The following CD101 variants were observed in gnomAD, a reference collection of about 807,000 sequenced individuals.
CD101 encodes CD101 molecule, also known as immunoglobulin superfamily member 2.
CD101 carries 76 observed loss-of-function variants against 98.2 expected under a neutral mutation model. The ratio of observed to expected loss-of-function variants is 0.77; its 90% confidence interval spans 0.64 to 0.94. CD101 has a LOEUF of 0.94. Ranked by LOEUF, CD101 falls within the 40% of genes least tolerant of loss-of-function variation. The pLI is 0.00. For missense variants in CD101, 1,145 were observed against 1,218.8 expected, an observed-to-expected ratio of 0.94 and a Z score of 0.90; for synonymous variants, 471 against 472.7, an observed-to-expected ratio of 1.00 and a Z score of 0.05.
intron 8 of CD101, 84 bp downstream of exon 8, chr1:117,025,988 TG>T: frequency 7.0e-7 from 1 of 1,427,126 alleles, no homozygotes; most frequent in East Asian, 2.3e-5. Flanking sequence ...ACCTATCTTT[TG>T]CTCCTTCTGA....
intron 8 of CD101, among the ~76,000 whole-genome samples, chr1:117,029,159 GA>G (rs1471968755): frequency 1.1e-5 from 1 of 91,280 alleles, no homozygotes; most frequent in Non-Finnish European, 2.2e-5. Context: ...AAGAAAGAAA[GA>G]AAGAAAGAAA....
rs1653445107 is a variant in CD101, at chr1:117,019,565, AAC to A, written c.2017+1007_2017+1008del. 6.6e-6 allele frequency among the ~76,000 whole-genome samples: 1 copy of A among 152,188 alleles called. No homozygotes were observed. The highest frequency in any genetic ancestry group is 1.5e-5 in the Non-Finnish European group (1 of 68,030). On this transcript the variant is annotated intron_variant, in intron 6 of 9. Coordinates refer to ENST00000682167, the MANE Select transcript of CD101 (RefSeq NM_001256106.3). This position sits in a 1 kb window ranked among gnomAD's most constrained non-coding sequence, Gnocchi z 4.3. ...CTCCACTGATTTATTCTTTAAAGAA[AAC>A]AGTTTCTCTGGATTCTATTCTTAGC... is the stretch of plus-strand genomic sequence containing the variant.
Position 117,025,882 on chromosome 1 carries a change from G to A in CD101, c.2802G>A (p.Met934Ile). ...AAGCATCCGATGAGTCACAGCGGATGGTGCTCACGGTGCTGCCTTCAGGTA... is the reference window on the plus strand; with the variant it reads ...AAGCATCCGATGAGTCACAGCGGATAGTGCTCACGGTGCTGCCTTCAGGTA... ...INQASDESQR[M>I]VLTVLPSEPT... Residue 934 changes from methionine (M) to isoleucine (I), a missense_variant, in exon 8 of 10, where the codon ATG becomes ATA. By Grantham distance (10) the Met-to-Ile change is conservative (BLOSUM62 1). Coordinates refer to ENST00000682167, the MANE Select transcript of CD101 (RefSeq NM_001256106.3). The A allele has an allele frequency of 6.2e-7, 1 of 1,610,444 alleles. No homozygotes were observed. The highest frequency in any genetic ancestry group is 1.1e-5 in the South Asian group (1 of 90,894).
In CD101 at chr1:117,006,258, C is replaced by T. The variant is rs1487127726; in HGVS notation, c.44-3592C>T. 6.6e-6 allele frequency among the ~76,000 whole-genome samples: 1 copy of T among 152,186 alleles called. No homozygotes were observed. The highest frequency in any genetic ancestry group is 1.5e-5 in the Non-Finnish European group (1 of 68,032). ...TACAGATTTTGTCTCCACAGTAGCT[C>T]AGTTATAGTACCTTTACTTTTATCC... On this transcript the variant is annotated intron_variant, in intron 1 of 9. Coordinates refer to ENST00000682167, the MANE Select transcript of CD101 (RefSeq NM_001256106.3). This position sits in a 1 kb window ranked among gnomAD's most constrained non-coding sequence, Gnocchi z 4.4.
rs774648190 is a variant in CD101, at chr1:117,021,815, GAGA to G, written c.2263_2265del (p.Lys755del). On this transcript the variant is annotated inframe_deletion, in exon 7 of 10. Coordinates refer to ENST00000682167, the MANE Select transcript of CD101 (RefSeq NM_001256106.3). The surrounding 1 kb of genome is among the most constrained non-coding windows in gnomAD (Gnocchi z 4.7). Reference sequence around the variant, plus strand: ...ACAGAGAAAACAAAAATTTCATACTGAGAAGGTTTCCCAAGACTTATTTCAGCT... The same window carrying G: ...ACAGAGAAAACAAAAATTTCATACTGAGGTTTCCCAAGACTTATTTCAGCT... 3.4e-5 allele frequency: 55 copies of G among 1,614,062 alleles called. 1 individual carries two copies. The Admixed American group carries it at 8.3e-4, about 24-fold the overall frequency.
In CD101 at chr1:117,006,579, A is replaced by T. The variant is rs1329928681; in HGVS notation, c.44-3271A>T. On this transcript the variant is annotated intron_variant, in intron 1 of 9. Transcript: ENST00000682167. The surrounding 1 kb of genome is among the most constrained non-coding windows in gnomAD (Gnocchi z 4.4). ...ATTTTGAGTAAGTCTTTTGATTCCT[A>T]CTCAGAGTCTTGCCATGAAATCTCC... Among the ~76,000 whole-genome samples, 1 of 151,940 alleles carries T rather than the reference A, an allele frequency of 6.6e-6. No homozygotes were observed. The highest frequency in any genetic ancestry group is 2.4e-5 in the African/African-American group (1 of 41,326).
rs1347637542 is a variant in CD101, at chr1:117,012,227, T to C, written c.841+261T>C. On this transcript the variant is annotated intron_variant, in intron 3 of 9. Coordinates refer to ENST00000682167, the MANE Select transcript of CD101 (RefSeq NM_001256106.3). This position sits in a 1 kb window ranked among gnomAD's most constrained non-coding sequence, Gnocchi z 4.0. ...CCACAAGCCAGTCATGGAAGTAGTT[T>C]TGTTACCATTTTTGCCAGTCTCTGT... Among the ~76,000 whole-genome samples the C allele has an allele frequency of 6.6e-6, 1 of 152,236 alleles. No individual in the cohort carries two copies. Among genetic ancestry groups the C allele is most frequent in the Non-Finnish European group, 1.5e-5 (1 of 68,040 alleles).
intron 8 of CD101, among the ~76,000 whole-genome samples, chr1:117,029,751 C>T (rs549163869): frequency 5.6e-4 from 86 of 152,334 alleles, no homozygotes; most frequent in African/African-American, 2.1e-3. Context: ...AGATGGTTTT[C>T]CATGCTCTCT....
Position 117,021,442 on chromosome 1 carries a change from T to TG in CD101, c.2018-127dup. On this transcript the variant is annotated intron_variant, in intron 6 of 9. Coordinates refer to ENST00000682167, the MANE Select transcript of CD101 (RefSeq NM_001256106.3). This position sits in a 1 kb window ranked among gnomAD's most constrained non-coding sequence, Gnocchi z 4.7. ...GTTCAAAAGCTGTATGAGCAGTGAG[T>TG]GGGGCTACTGTAGAGGGAGTTCACC... 1 of 703,484 alleles carries TG rather than the reference T, an allele frequency of 1.4e-6. No individual in the cohort carries two copies. Among genetic ancestry groups the TG allele is most frequent in the Non-Finnish European group, 2.3e-6 (1 of 436,740 alleles). 43.6% of individuals were successfully genotyped at this position (703,484 alleles called of 1,614,324 possible). A position where few individuals can be genotyped will look rare whatever the true frequency, so the allele number is the denominator to read the frequency against.
intron 4 of CD101, 69 bp downstream of exon 4, chr1:117,013,861 T>C: frequency 4.9e-6 from 7 of 1,427,802 alleles, no homozygotes. Flanking sequence ...GGAAGACCCC[T>C]TCGTGGATAC....
chr1:117,017,164 A>C lies in CD101; in HGVS notation c.1303A>C (p.Lys435Gln), dbSNP rs748555651. 3 of 1,614,242 alleles carry C rather than the reference A, an allele frequency of 1.9e-6. No individual in the cohort carries two copies. The South Asian group carries it at 3.3e-5, about 18-fold the overall frequency. ...WEGETLAFLC[K>Q]AGGAESPLSV... is the part of the protein sequence containing the mutation. The stretch of plus-strand genomic sequence containing the variant: ...AGGAGAGACACTCGCCTTTCTCTGT[A>C]AGGCTGGTGGAGCTGAAAGTCCCCT... The change falls in exon 5 of 10, where the codon AAG becomes CAG. Residue 435 changes from lysine (K) to glutamine (Q), a missense_variant. Physicochemically the swap from Lys to Gln is moderately conservative, Grantham distance 53. Coordinates refer to ENST00000682167, the MANE Select transcript of CD101 (RefSeq NM_001256106.3).
At chr1:117,026,403 G>C (rs561614726) in intron 8 of CD101, 14 of 152,692 alleles carry the variant, frequency 9.2e-5, no homozygotes, top group African/African-American at 3.1e-4. Context: ...AGCGCAGCAG[G>C]GCTTCCAGAG....
intron 4 of CD101, 110 bp from the exon 5 acceptor site, chr1:117,016,980 T>C (rs776124729): frequency 2.6e-4 from 331 of 1,251,684 alleles, no homozygotes; most frequent in Non-Finnish European, 3.4e-4. Context: ...ACAGCCCAAT[T>C]TGACTTGTCA....
chr1:117,018,470 G>T lies in CD101; in HGVS notation c.1927G>T (p.Glu643Ter), dbSNP rs1653381580. 1 of 1,614,078 alleles carries T rather than the reference G, an allele frequency of 6.2e-7. No homozygotes were observed. ...GACAGGAGTGTATCAGTGTGAAGTA[G>T]AAGTTTATGACAGAAATTCCCTATA... The part of the protein sequence containing the change: ...EETGVYQCEV[E>*]VYDRNSLYNN... Residue 643 changes from glutamate to a stop codon, truncating the protein, a stop_gained, in exon 6 of 10, where the codon GAA becomes TAA. Coordinates refer to ENST00000682167, the MANE Select transcript of CD101 (RefSeq NM_001256106.3). LOFTEE classifies it high-confidence loss of function. The surrounding 1 kb of genome is among the most constrained non-coding windows in gnomAD (Gnocchi z 4.3).
intron 4 of CD101, among the ~76,000 whole-genome samples, chr1:117,015,015 G>A (rs1385534521): frequency 6.6e-6 from 1 of 152,188 alleles, no homozygotes; most frequent in Non-Finnish European, 1.5e-5. Flanking sequence ...AACCTGGTAT[G>A]TGGGAATTTC....
rs758626257 is a variant in CD101, at chr1:117,009,930, G to A, written c.124G>A (p.Gly42Ser). Residue 42 changes from glycine (G) to serine (S), a missense_variant, in exon 2 of 10, where the codon GGC becomes AGC. Gly to Ser is a moderately conservative substitution (Grantham distance 56). Coordinates refer to ENST00000682167, the MANE Select transcript of CD101 (RefSeq NM_001256106.3). ...FRAEGYPVSI[G>S]CNVTGHQGPS... ...AGCTGAAGGTTACCCAGTCAGCATT[G>A]GCTGCAATGTAACTGGCCACCAGGG... The A allele has an allele frequency of 1.9e-6, 3 of 1,613,974 alleles. No individual in the cohort carries two copies. In the African/African-American group the frequency reaches 4.0e-5, roughly 22 times the overall value.
intron 9 of CD101, among the ~76,000 whole-genome samples, chr1:117,035,303 A>G (rs1035684214): frequency 6.6e-6 from 1 of 152,144 alleles, no homozygotes; most frequent in Non-Finnish European, 1.5e-5. Context: ...TTCCAAGGAG[A>G]GCAATTTAGT....
At chr1:117,032,391 C>G (rs77901242) in intron 8 of CD101, 8,899 of 152,316 alleles carry the variant, frequency 0.058, 358 homozygotes, top group Non-Finnish European at 0.088. Flanking sequence ...AGGCCCTACC[C>G]TCAAGGAGCT....
At chr1:117,011,512 C>T (rs1323072967) in intron 2 of CD101, 38 bp from the exon 3 acceptor site, 1 of 1,569,924 alleles carries the variant, frequency 6.4e-7, no homozygotes, top group Non-Finnish European at 8.7e-7. Flanking sequence ...TGGACAAGCA[C>T]TGGGCCAGTC....
Sources: allele counts gnomAD v4.1 joint callset (sites outside exome capture counted in the v4.1 genomes callset), GRCh38; gene constraint gnomAD v4.1.1; non-coding constraint Gnocchi (gnomAD v3.1); transcripts MANE v1.5; gene names NCBI Gene and HGNC (gene_info 2026-07-23, HGNC 2026-07-21).